SOS2: variants seen among roughly 807,000 people sequenced by gnomAD.
The protein encoded by SOS2 is son of sevenless homolog 2.
A neutral mutation model predicts 148.2 loss-of-function variants in SOS2; 65 were observed. The ratio of observed to expected loss-of-function variants is 0.44; its 90% CI spans 0.36 to 0.54. The LOEUF (loss-of-function observed/expected upper bound fraction) is 0.54, where lower values mean the gene tolerates loss of function less well. Among genes scored for constraint, SOS2 ranks in the 20% least tolerant of loss-of-function variants. The probability of loss-of-function intolerance (pLI) is 0.00; values close to 1 mark genes in which losing one functional copy is unlikely to be tolerated. For synonymous variants in SOS2, 539 were observed against 537.1 expected, an observed-to-expected ratio of 1.00 and a Z score of -0.05; for missense variants, 1,341 against 1,590.2, an observed-to-expected ratio of 0.84 and a Z score of 2.67.
chr14:50,215,410 G>C lies in SOS2; in HGVS notation c.88-11001C>G, dbSNP rs78213630. The C allele has an allele frequency of 2.4e-3, 3,100 of 1,284,292 alleles. 69 individuals carry two copies. In the African/African-American group the frequency reaches 0.041, roughly 17 times the overall value. 79.6% of individuals were successfully genotyped at this position (1,284,292 alleles called of 1,614,324 possible). Reference sequence around the variant, plus strand: ...GTAACAGGACATCAAGAGGACAATGGAAGAGAACCATGCTTTACACTTCTA... The same window carrying C: ...GTAACAGGACATCAAGAGGACAATGCAAGAGAACCATGCTTTACACTTCTA... On this transcript the variant is annotated intron_variant, in intron 1 of 22. Coordinates refer to ENST00000216373, the MANE Select transcript of SOS2 (RefSeq NM_006939.4).
chr14:50,228,819 G>C (rs1307527861), intron 1 of SOS2, among the ~76,000 whole-genome samples: 1 of 152,120 alleles, frequency 6.6e-6, no homozygotes, highest in Admixed American at 6.6e-5. Flanking sequence ...TTTTAACTTT[G>C]TACTCTTAGG....
Position 50,144,671 on chromosome 14 carries a change from C to G in SOS2, c.2667+499G>C, listed in dbSNP as rs1053441039. On this transcript the variant is annotated intron_variant, in intron 16 of 22. Transcript: ENST00000216373. The stretch of plus-strand genomic sequence containing the variant: ...CAGGTTGGTTTCGAACTCCTGAGCT[C>G]AGGTGATCGACCCGCCTCAGCCTCC... Among the ~76,000 whole-genome samples the G allele has an allele frequency of 5.3e-5, 8 of 152,206 alleles. No individual in the cohort carries two copies. In the South Asian group the frequency reaches 1.0e-3, roughly 20 times the overall value.
intron 7 of SOS2, among the ~76,000 whole-genome samples, chr14:50,176,575 T>A (rs1885529554): frequency 6.6e-6 from 1 of 152,276 alleles, no homozygotes; most frequent in Non-Finnish European, 1.5e-5. Context: ...TTAATACACA[T>A]CAAACATTAT....
At chr14:50,126,209 GAAACA>G (rs1883675131) in intron 21 of SOS2, among the ~76,000 whole-genome samples, 2 of 152,068 alleles carry the variant, frequency 1.3e-5, no homozygotes, top group African/African-American at 2.4e-5. Context: ...GACAACACTA[GAAACA>G]AAACAAATTT....
At chr14:50,156,616 A>G (rs1884829458) in intron 12 of SOS2, 1 of 152,840 alleles carries the variant, frequency 6.5e-6, no homozygotes, top group African/African-American at 2.4e-5. Context: ...GGATTACTGT[A>G]TGATCGCAAA....
intron 8 of SOS2, among the ~76,000 whole-genome samples, chr14:50,173,447 A>G (rs1885431940): frequency 6.6e-6 from 1 of 151,324 alleles, no homozygotes; most frequent in Admixed American, 6.6e-5. Flanking sequence ...TTTGAGACGG[A>G]GTCTCGCTCT....
chr14:50,194,743 G>C, intron 4 of SOS2, among the ~76,000 whole-genome samples: 1 of 149,562 alleles, frequency 6.7e-6, no homozygotes, highest in Middle Eastern at 3.5e-3. Context: ...ACGCCACTGC[G>C]CTCCATACTG....
At chr14:50,123,887 T>A (rs1385684699) in intron 21 of SOS2, among the ~76,000 whole-genome samples, 1 of 152,136 alleles carries the variant, frequency 6.6e-6, no homozygotes, top group Non-Finnish European at 1.5e-5. Flanking sequence ...CTGGATATAT[T>A]TTGAGAGTAG....
chr14:50,229,270 C>T (rs1161884996), intron 1 of SOS2, among the ~76,000 whole-genome samples: 1 of 152,042 alleles, frequency 6.6e-6, no homozygotes, highest in African/African-American at 2.4e-5. Flanking sequence ...GTATGTATTT[C>T]AATTCTATCA....
chr14:50,188,097 A>AAT (rs1885980670), intron 5 of SOS2, among the ~76,000 whole-genome samples: 1 of 152,212 alleles, frequency 6.6e-6, no homozygotes, highest in Non-Finnish European at 1.5e-5. Flanking sequence ...TGTACTCATA[A>AAT]AGTATTTAAA....
In SOS2 at chr14:50,158,643, G is replaced by A. The variant is rs1884894248; in HGVS notation, c.1856C>T (p.Pro619Leu). 1.3e-6 allele frequency: 2 copies of A among 1,597,946 alleles called. No individual in the cohort carries two copies. Among genetic ancestry groups the A allele is most frequent in the South Asian group, 2.2e-5 (2 of 89,552 alleles). Reference protein sequence around the residue: ...ERLTYHMYADPNFVRTFLTTY... With the variant: ...ERLTYHMYADLNFVRTFLTTY... ...GGTAAGAAAAGTACGAACAAAATTG[G>A]GATCTGAAAAGGCAGAGCATAAAAT... The change falls in exon 11 of 23, where the codon CCC becomes CTC. Residue 619 changes from proline (P) to leucine (L), a missense_variant. By Grantham distance (98) the Pro-to-Leu change is moderately conservative. This residue lies in a region of SOS2 where 408 missense variants were observed against 506.6 expected (regional missense o/e 0.81). Transcript: ENST00000216373.
chr14:50,118,267 T>C lies in SOS2; in HGVS notation c.*77A>G, dbSNP rs1883359025. ...TTATTTGTAAAAAGTACTAAAATACTATGTCTTTTTTTGAATAAATTAAAA... is the reference window on the plus strand; with the variant it reads ...TTATTTGTAAAAAGTACTAAAATACCATGTCTTTTTTTGAATAAATTAAAA... On this transcript the variant is annotated 3_prime_UTR_variant, in exon 23 of 23. Coordinates refer to ENST00000216373, the MANE Select transcript of SOS2 (RefSeq NM_006939.4). 5.0e-6 allele frequency: 6 copies of C among 1,196,708 alleles called. No individual in the cohort carries two copies. Among genetic ancestry groups the C allele is most frequent in the African/African-American group, 3.1e-5 (2 of 64,580 alleles). The allele number at this position is 1,196,708 out of a possible 1,614,324, so 74.1% of individuals were successfully genotyped here.
intron 18 of SOS2, among the ~76,000 whole-genome samples, chr14:50,137,121 CCAAGTT>C (rs1381702603): frequency 1.3e-5 from 2 of 151,952 alleles, no homozygotes; most frequent in African/African-American, 4.8e-5. Context: ...TAATATGTTC[CCAAGTT>C]CAAGTATAAT....
chr14:50,224,164 G>A (rs1032423528), intron 1 of SOS2, among the ~76,000 whole-genome samples: 4 of 151,368 alleles, frequency 2.6e-5, no homozygotes, highest in Non-Finnish European at 4.4e-5. Context: ...GGTGGTGCGC[G>A]CCTGTAATCC....
At chr14:50,143,444 A>T (rs960343835) in intron 16 of SOS2, among the ~76,000 whole-genome samples, 14 of 152,006 alleles carry the variant, frequency 9.2e-5, no homozygotes, top group Non-Finnish European at 1.8e-4. Context: ...CTCACTAGTT[A>T]TTATTTATTT....
Position 50,118,299 on chromosome 14 carries a change from C to A in SOS2, c.*45G>T. The A allele has an allele frequency of 2.1e-5, 30 of 1,426,534 alleles. No homozygotes were observed. The highest frequency in any genetic ancestry group is 1.0e-4 in the South Asian group (7 of 68,428). 88.4% of individuals were successfully genotyped at this position (1,426,534 alleles called of 1,614,324 possible). A position where few individuals can be genotyped will look rare whatever the true frequency, so the allele number is the denominator to read the frequency against. On this transcript the variant is annotated 3_prime_UTR_variant, in exon 23 of 23. Transcript: ENST00000216373. ...TTTTTTGAATAAATTAAAAAAAAAA[C>A]TTTACAAATACCATTCCAGTGTCAA...
chr14:50,173,914 T>C (rs1594992823), intron 8 of SOS2, among the ~76,000 whole-genome samples: 1 of 152,130 alleles, frequency 6.6e-6, no homozygotes, highest in East Asian at 1.9e-4. Flanking sequence ...AGTCTTAGAG[T>C]TGCCCTCTAA....
At chr14:50,173,122 C>T (rs79934102) in intron 8 of SOS2, among the ~76,000 whole-genome samples, 3,156 of 152,204 alleles carry the variant, frequency 0.021, 74 homozygotes, top group Non-Finnish European at 0.026. Context: ...AGGCTTGTGG[C>T]CACCATGCCC....
At chr14:50,189,560 A>T (rs575657901) in intron 4 of SOS2, among the ~76,000 whole-genome samples, 2 of 152,282 alleles carry the variant, frequency 1.3e-5, no homozygotes, top group East Asian at 3.9e-4. Context: ...GTTCCTTGCC[A>T]TATTATAAGG....
Sources: allele counts gnomAD v4.1 joint callset (sites outside exome capture counted in the v4.1 genomes callset), GRCh38; gene constraint gnomAD v4.1.1; regional missense constraint gnomAD v4.1.1; transcripts MANE v1.5; gene names NCBI Gene and HGNC (gene_info 2026-07-23, HGNC 2026-07-21).